Variants in DPH6 observed in about 807,000 individuals in gnomAD.
The protein encoded by DPH6 is diphthamine biosynthesis 6, also known as diphthine--ammonia ligase.
Under a neutral mutation model 38.2 loss-of-function variants are expected in DPH6, and 33 were observed. The ratio of observed to expected loss-of-function variants is 0.86; its 90% CI spans 0.65 to 1.15. The LOEUF is 1.15. Among genes scored for constraint, DPH6 ranks in the 50% most tolerant of loss-of-function variants. The pLI is 0.00. For missense variants in DPH6, 325 were observed against 320.0 expected, an observed-to-expected ratio of 1.02 and a Z score of -0.12; for synonymous variants, 108 against 103.0, an observed-to-expected ratio of 1.05 and a Z score of -0.30.
chr15:35,373,722 T>C (rs2052744116), intron 7 of DPH6, 114 bp from the exon 8 acceptor site: 1 of 703,172 alleles, frequency 1.4e-6, no homozygotes, highest in South Asian at 2.3e-5. Flanking sequence ...TCTCCATTGG[T>C]ATACAACATG....
intron 3 of DPH6, among the ~76,000 whole-genome samples, chr15:35,273,481 T>C (rs1027061693): frequency 2.0e-5 from 3 of 152,234 alleles, no homozygotes; most frequent in Non-Finnish European, 4.4e-5. Context: ...TACATGGTTG[T>C]ATATATTAGA....
chr15:35,538,220 A>T, intron 3 of DPH6, 54 bp downstream of exon 3: 1 of 1,334,588 alleles, frequency 7.5e-7, no homozygotes, highest in Non-Finnish European at 9.8e-7. Flanking sequence ...CGGCAAATGT[A>T]ATTTGTTAAA....
At chr15:35,212,121 C>A in the DPH6 span, among the ~76,000 whole-genome samples, 1 of 152,168 alleles carries the variant, frequency 6.6e-6, no homozygotes, top group Non-Finnish European at 1.5e-5. Flanking sequence ...TCTTGTGCCA[C>A]AAGCCCCACT....
intron 3 of DPH6, among the ~76,000 whole-genome samples, chr15:35,353,824 T>C (rs1202870429): frequency 6.6e-5 from 10 of 152,204 alleles, no homozygotes; most frequent in African/African-American, 2.2e-4. Flanking sequence ...AAGAAAGTCA[T>C]TGGTAGCTTG....
downstream of DPH6, among the ~76,000 whole-genome samples, chr15:35,368,548 A>G (rs1429937244): frequency 6.6e-6 from 1 of 152,136 alleles, no homozygotes; most frequent in South Asian, 2.1e-4. Flanking sequence ...AATTAGTTGT[A>G]TCTTGTCCAA....
At chr15:35,215,305 T>A (rs977871806), downstream of DPH6, among the ~76,000 whole-genome samples, 1 of 152,236 alleles carries the variant, frequency 6.6e-6, no homozygotes, top group Non-Finnish European at 1.5e-5. Flanking sequence ...GAGTAATATA[T>A]GACTCATAAA....
intron 3 of DPH6, among the ~76,000 whole-genome samples, chr15:35,532,876 G>A (rs1165038669): frequency 6.6e-6 from 1 of 152,012 alleles, no homozygotes; most frequent in Non-Finnish European, 1.5e-5. Context: ...GGCTGAGGCA[G>A]GCAGATCACC....
intron 3 of DPH6, among the ~76,000 whole-genome samples, chr15:35,224,600 C>T (rs539059259): frequency 6.6e-6 from 1 of 152,274 alleles, no homozygotes; most frequent in East Asian, 1.9e-4. Flanking sequence ...AGCACAGTCG[C>T]TGGATCTTAT....
chr15:35,250,008 A>AT (rs1227260265), intron 3 of DPH6, among the ~76,000 whole-genome samples: 3 of 34,672 alleles, frequency 8.7e-5, no homozygotes, highest in African/African-American at 8.6e-5. Context: ...CTAAAAATAT[A>AT]AAAAAAAATT....
At chr15:35,447,876 A>G (rs1420883477) in intron 5 of DPH6, among the ~76,000 whole-genome samples, 1 of 152,130 alleles carries the variant, frequency 6.6e-6, no homozygotes, top group Non-Finnish European at 1.5e-5. Flanking sequence ...TCATTCCTAT[A>G]TCGCAATCCT....
chr15:35,167,170 G>A, the DPH6 span, among the ~76,000 whole-genome samples: 1 of 151,984 alleles, frequency 6.6e-6, no homozygotes, highest in Non-Finnish European at 1.5e-5. Context: ...TAAAGAATGT[G>A]ATAAAGAGTG....
chr15:35,244,863 A>C (rs558075746), intron 3 of DPH6, among the ~76,000 whole-genome samples: 52 of 152,278 alleles, frequency 3.4e-4, no homozygotes, highest in African/African-American at 1.2e-3. Context: ...AAGTCAATTA[A>C]ACTTTTTGGA....
chr15:35,426,581 G>A (rs964400344), intron 5 of DPH6, among the ~76,000 whole-genome samples: 1 of 151,746 alleles, frequency 6.6e-6, no homozygotes, highest in Non-Finnish European at 1.5e-5. Flanking sequence ...ATTACCACAG[G>A]TTAGTATGTG....
chr15:35,179,124 T>C, the DPH6 span, among the ~76,000 whole-genome samples: 2 of 145,308 alleles, frequency 1.4e-5, no homozygotes, highest in East Asian at 4.1e-4. Flanking sequence ...GAGAACGGTT[T>C]GAACCCAGGA....
At chr15:35,397,868 T>TACACACACACAC (rs57530358) in intron 6 of DPH6, among the ~76,000 whole-genome samples, 1 of 87,258 alleles carries the variant, frequency 1.1e-5, no homozygotes, top group African/African-American at 4.6e-5. Context: ...TTTATATATA[T>TACACACACACAC]ACACACACAC....
At chr15:35,475,400 A>G (rs149666251) in intron 3 of DPH6, among the ~76,000 whole-genome samples, 1 of 152,132 alleles carries the variant, frequency 6.6e-6, no homozygotes, top group Non-Finnish European at 1.5e-5. Flanking sequence ...TACAATCAAA[A>G]TCTGAAATCA....
At chr15:35,525,601 C>G (rs1053459128) in intron 3 of DPH6, among the ~76,000 whole-genome samples, 6 of 152,116 alleles carry the variant, frequency 3.9e-5, no homozygotes, top group African/African-American at 1.2e-4. Context: ...AGCTGTTAAA[C>G]TTTTGAAAAG....
chr15:35,223,353 CTCA>C (rs2051455135), intron 3 of DPH6, among the ~76,000 whole-genome samples: 1 of 152,056 alleles, frequency 6.6e-6, no homozygotes, highest in Admixed American at 6.5e-5. Context: ...CTCTAATGGA[CTCA>C]TCATCTCTTA....
chr15:35,540,728 G>A (rs1210712624), intron 2 of DPH6, among the ~76,000 whole-genome samples: 1 of 151,854 alleles, frequency 6.6e-6, no homozygotes, highest in African/African-American at 2.4e-5. Flanking sequence ...TACTTTGCTT[G>A]TCATTTTACC....
Sources: allele counts gnomAD v4.1 joint callset (sites outside exome capture counted in the v4.1 genomes callset), GRCh38; gene constraint gnomAD v4.1.1; transcripts MANE v1.5; gene names NCBI Gene and HGNC (gene_info 2026-07-23, HGNC 2026-07-21).